MEGF11: variants seen among roughly 807,000 people sequenced by gnomAD.
The protein encoded by MEGF11 is multiple epidermal growth factor-like domains protein 11.
MEGF11 carries 126 observed loss-of-function variants against 146.6 expected under a neutral mutation model. The observed-to-expected ratio is 0.86, with a 90% CI of 0.74 to 1.00. MEGF11 has a LOEUF of 1.00. MEGF11 is among the 50% of genes least tolerant of loss of function. The pLI, the probability that MEGF11 is intolerant of heterozygous loss-of-function variation, is 0.00. For missense variants in MEGF11, 1,509 were observed against 1,521.2 expected (o/e 0.99, Z 0.13); for synonymous variants, 532 against 583.4 (o/e 0.91, Z 1.27).
chr15:65,999,638 T>C (rs917811918), intron 5 of MEGF11, among the ~76,000 whole-genome samples: 1 of 152,140 alleles, frequency 6.6e-6, no homozygotes, highest in Admixed American at 6.5e-5. Flanking sequence ...ATCTCTCCTA[T>C]AAAATGGGGC....
At chr15:65,973,577 G>A (rs969707057) in intron 7 of MEGF11, among the ~76,000 whole-genome samples, 1 of 152,174 alleles carries the variant, frequency 6.6e-6, no homozygotes, top group Non-Finnish European at 1.5e-5. Flanking sequence ...CTATGATTGT[G>A]CCTGTGAATA....
chr15:66,055,285 A>C (rs979514139), intron 5 of MEGF11, among the ~76,000 whole-genome samples: 1 of 152,264 alleles, frequency 6.6e-6, no homozygotes, highest in African/African-American at 2.4e-5. Flanking sequence ...CAGTAAAACT[A>C]TCGAGATTCG....
chr15:66,247,738 T>TA (rs534944896), intron 1 of MEGF11, among the ~76,000 whole-genome samples: 23 of 151,658 alleles, frequency 1.5e-4, no homozygotes, highest in Admixed American at 4.6e-4. Context: ...GAGAGCCCTT[T>TA]AAAAAAAAGA....
At chr15:66,192,313 CA>C (rs67059063) in intron 1 of MEGF11, among the ~76,000 whole-genome samples, 66,724 of 150,220 alleles carry the variant, frequency 0.44, 15,175 homozygotes, top group East Asian at 0.61. Context: ...ACCAAAAATA[CA>C]AAAAAATTAG....
intron 24 of MEGF11, among the ~76,000 whole-genome samples, chr15:65,900,638 C>T (rs1375476736): frequency 6.6e-6 from 1 of 152,190 alleles, no homozygotes; most frequent in East Asian, 1.9e-4. Flanking sequence ...CCTCTCATTG[C>T]TTATTGAGGA....
chr15:65,993,590 C>T (rs556059619), intron 5 of MEGF11, among the ~76,000 whole-genome samples: 2 of 152,344 alleles, frequency 1.3e-5, no homozygotes, highest in East Asian at 3.9e-4. Flanking sequence ...TGCACCCTCC[C>T]CGACGTGGCC....
chr15:66,133,328 G>A (rs1283722139), intron 1 of MEGF11, among the ~76,000 whole-genome samples: 1 of 152,328 alleles, frequency 6.6e-6, no homozygotes, highest in African/African-American at 2.4e-5. Context: ...GGGTGTTCCA[G>A]ACGCCTCATG....
chr15:66,233,241 A>C (rs2092007073), intron 1 of MEGF11, among the ~76,000 whole-genome samples: 1 of 152,092 alleles, frequency 6.6e-6, no homozygotes, highest in African/African-American at 2.4e-5. Context: ...TATTATTATT[A>C]TTTTGTTTGT....
At chr15:66,183,321 G>A (rs1567275390) in intron 1 of MEGF11, among the ~76,000 whole-genome samples, 1 of 152,036 alleles carries the variant, frequency 6.6e-6, no homozygotes, top group Non-Finnish European at 1.5e-5. Context: ...CCAACATGGT[G>A]AAACACTGTC....
chr15:66,069,884 C>G (rs1326617045), intron 5 of MEGF11, among the ~76,000 whole-genome samples: 1 of 152,210 alleles, frequency 6.6e-6, no homozygotes, highest in African/African-American at 2.4e-5. Context: ...AAAGCAGTCA[C>G]AGGCAATCCA....
chr15:66,101,358 C>CCAG (rs1377550171), intron 4 of MEGF11, among the ~76,000 whole-genome samples: 1 of 152,148 alleles, frequency 6.6e-6, no homozygotes, highest in African/African-American at 2.4e-5. Context: ...TTCAAACAGC[C>CCAG]TGGAACTCCA....
intron 1 of MEGF11, among the ~76,000 whole-genome samples, chr15:66,161,677 G>A (rs775953420): frequency 2.0e-5 from 3 of 152,126 alleles, no homozygotes; most frequent in Non-Finnish European, 4.4e-5. Flanking sequence ...TTACAGTCAT[G>A]AGCCACTGCA....
chr15:65,927,318 A>G (rs899016753), intron 13 of MEGF11, among the ~76,000 whole-genome samples: 1 of 152,214 alleles, frequency 6.6e-6, no homozygotes, highest in African/African-American at 2.4e-5. Context: ...GACTTGCCCA[A>G]GGTCATAAAC....
intron 10 of MEGF11, among the ~76,000 whole-genome samples, chr15:65,955,820 T>TCAAATATATA (rs2080609336): frequency 4.8e-4 from 1 of 2,094 alleles, no homozygotes; most frequent in African/African-American, 5.9e-4. Flanking sequence ...ACACAATACT[T>TCAAATATATA]TAAATATATA....
intron 1 of MEGF11, among the ~76,000 whole-genome samples, chr15:66,224,857 G>A (rs1242509240): frequency 2.6e-5 from 4 of 151,540 alleles, no homozygotes; most frequent in Admixed American, 6.6e-5. Context: ...GTTTAGTGAC[G>A]GGCAAGGCTT....
chr15:66,120,895 C>T (rs1567251353), intron 3 of MEGF11, among the ~76,000 whole-genome samples: 1 of 152,116 alleles, frequency 6.6e-6, no homozygotes, highest in Non-Finnish European at 1.5e-5. Flanking sequence ...GAAAGAGTTG[C>T]CACCCAATTG....
chr15:66,133,536 C>T (rs890691410), intron 1 of MEGF11, among the ~76,000 whole-genome samples: 1 of 152,182 alleles, frequency 6.6e-6, no homozygotes, highest in Non-Finnish European at 1.5e-5. Flanking sequence ...GGGCAAATGC[C>T]AAGGTTATCG....
At chr15:66,155,128 A>G (rs1018978496) in intron 1 of MEGF11, among the ~76,000 whole-genome samples, 1 of 152,248 alleles carries the variant, frequency 6.6e-6, no homozygotes, top group African/African-American at 2.4e-5. Context: ...ATTTATGAGC[A>G]GGTCCTGAAT....
At chr15:65,941,142 G>T (rs1236015157) in intron 10 of MEGF11, among the ~76,000 whole-genome samples, 1 of 152,190 alleles carries the variant, frequency 6.6e-6, no homozygotes, top group Non-Finnish European at 1.5e-5. Context: ...CTGGCTGGGT[G>T]CAGTGACTCA....
Sources: allele counts gnomAD v4.1 joint callset (sites outside exome capture counted in the v4.1 genomes callset), GRCh38; gene constraint gnomAD v4.1.1; transcripts MANE v1.5; gene names NCBI Gene and HGNC (gene_info 2026-07-23, HGNC 2026-07-21).